The following PPP2R5C variants were observed in gnomAD, a reference collection of about 807,000 sequenced individuals.
The protein encoded by PPP2R5C is protein phosphatase 2 regulatory subunit B'gamma, also known as serine/threonine-protein phosphatase 2A 56 kDa regulatory subunit gamma isoform.
In PPP2R5C, 7 loss-of-function variants were observed where a neutral mutation model predicts 68.9. The ratio of observed to expected loss-of-function variants is 0.10; its 90% CI spans 0.06 to 0.19. The LOEUF (loss-of-function observed/expected upper bound fraction) is 0.19. PPP2R5C is among the 10% of genes least tolerant of loss of function. The pLI, the probability that PPP2R5C is intolerant of heterozygous loss-of-function variation, is 1.00. For synonymous variants in PPP2R5C, 210 were observed against 222.2 expected (o/e 0.95, Z 0.49); for missense variants, 348 against 641.3 (o/e 0.54, Z 4.94).
rs1327265649 is a variant in PPP2R5C at position 101,797,216 on chromosome 14, C to T, written c.259+11033C>T. On this transcript the variant is annotated intron_variant, in intron 3 of 14. Coordinates refer to the PPP2R5C transcript ENST00000328724. The surrounding 1 kb of genome is among the most constrained non-coding windows in gnomAD (Gnocchi z 4.2). ...CTAAACATAATATCTTCCAGGTCCCCCCACATTGTAGCACGTGCCAGACCC... is the reference window on the plus strand; with the variant it reads ...CTAAACATAATATCTTCCAGGTCCCTCCACATTGTAGCACGTGCCAGACCC... 2 of 456,082 alleles carry T rather than the reference C, an allele frequency of 4.4e-6. No homozygotes were observed. The highest frequency in any genetic ancestry group is 1.4e-4 in the East Asian group (2 of 14,392). 28.3% of individuals were successfully genotyped at this position (456,082 alleles called of 1,614,324 possible). A position where few individuals can be genotyped will look rare whatever the true frequency, so the allele number is the denominator to read the frequency against.
chr14:101,851,741 T>C (rs540319943), intron 1 of PPP2R5C, among the ~76,000 whole-genome samples: 14 of 152,286 alleles, frequency 9.2e-5, no homozygotes, highest in Non-Finnish European at 1.8e-4. Flanking sequence ...ATGCTGAAAG[T>C]TGGTCCTTTA....
chr14:101,836,261 C>T, intron 1 of PPP2R5C: 1 of 702,808 alleles, frequency 1.4e-6, no homozygotes, highest in East Asian at 2.7e-5. Context: ...GCAGGGAGAG[C>T]AAACCCATGG....
chr14:101,805,914 A>G (rs2039055690), upstream of PPP2R5C, among the ~76,000 whole-genome samples: 1 of 152,172 alleles, frequency 6.6e-6, no homozygotes, highest in Non-Finnish European at 1.5e-5. Flanking sequence ...GAGAATGGAA[A>G]GTTACTGTTT....
chr14:101,779,981 C>G (rs941472258), intron 2 of PPP2R5C, among the ~76,000 whole-genome samples: 2 of 152,126 alleles, frequency 1.3e-5, no homozygotes, highest in African/African-American at 4.8e-5. Flanking sequence ...AGCCCCAGGT[C>G]CCCATTGCCC....
Position 101,771,465 on chromosome 14 carries a change from T to C in PPP2R5C, c.93+8495T>C, listed in dbSNP as rs747114464. 5.9e-5 allele frequency among the ~76,000 whole-genome samples: 9 copies of C among 152,176 alleles called. No homozygotes were observed. The East Asian group carries it at 7.7e-4, about 13-fold the overall frequency. ...AGATTGAGCAGCTGGGCACGGTGGC[T>C]CATGCCTGTAATCCCAGCACTTTGG... On this transcript the variant is annotated intron_variant, in intron 2 of 14. Coordinates refer to the PPP2R5C transcript ENST00000328724.
At chr14:101,883,627 C>T in intron 5 of PPP2R5C, 65 bp downstream of exon 7, 3 of 1,566,548 alleles carry the variant, frequency 1.9e-6, no homozygotes, top group Non-Finnish European at 2.6e-6. Context: ...CTCGATGCTC[C>T]CCTACCCCAT....
chr14:101,837,678 G>A (rs879477195), intron 1 of PPP2R5C, among the ~76,000 whole-genome samples: 7 of 152,308 alleles, frequency 4.6e-5, no homozygotes, highest in South Asian at 2.1e-4. Flanking sequence ...TTTGTTGGAA[G>A]CTTTATCTCC....
At chr14:101,845,991 G>A (rs989046996) in intron 1 of PPP2R5C, among the ~76,000 whole-genome samples, 1 of 152,142 alleles carries the variant, frequency 6.6e-6, no homozygotes, top group Non-Finnish European at 1.5e-5. Context: ...CATTTTGCCC[G>A]AAATCCACCC....
intron 9 of PPP2R5C, among the ~76,000 whole-genome samples, chr14:101,904,145 G>C (rs976016995): frequency 1.3e-5 from 2 of 152,110 alleles, no homozygotes; most frequent in African/African-American, 2.4e-5. Context: ...TGGATGGATG[G>C]ATGGTTTTGT....
At chr14:101,878,776 C>T (rs1003288040) in intron 2 of PPP2R5C, among the ~76,000 whole-genome samples, 3 of 152,200 alleles carry the variant, frequency 2.0e-5, no homozygotes, top group African/African-American at 7.2e-5. Context: ...CAAGAGTGAT[C>T]GCTACTTGAA....
At position 101,896,603 on chromosome 14, in the gene PPP2R5C, G is replaced by A. The variant is rs114396264; in HGVS notation, c.852+2043G>A. 6.6e-3 allele frequency among the ~76,000 whole-genome samples: 928 copies of A among 140,590 alleles called. 18 individuals are homozygous for A. The highest frequency in any genetic ancestry group is 0.023 in the African/African-American group (882 of 38,284). 92.2% of individuals were successfully genotyped at this position (140,590 alleles called of 152,430 possible). ...ACAAAAATTAGCCAGGCATGATGGC[G>A]TGTGCCTGGGCAACACAGTGAAACC... On this transcript the variant is annotated intron_variant, in intron 8 of 13. Coordinates refer to ENST00000334743, the Ensembl canonical transcript of PPP2R5C.
chr14:101,859,901 AC>A (rs1424579114), intron 2 of PPP2R5C, among the ~76,000 whole-genome samples: 1 of 147,760 alleles, frequency 6.8e-6, no homozygotes, highest in African/African-American at 2.5e-5. Context: ...AGTTTTAGAG[AC>A]ATTAATTTCC....
chr14:101,881,583 G>T (rs554719683), intron 2 of PPP2R5C, among the ~76,000 whole-genome samples: 1 of 152,154 alleles, frequency 6.6e-6, no homozygotes, highest in African/African-American at 2.4e-5. Context: ...TGCCCCTACC[G>T]ATCCTCTGTG....
chr14:101,875,341 A>G (rs527371460), intron 2 of PPP2R5C, among the ~76,000 whole-genome samples: 2 of 152,344 alleles, frequency 1.3e-5, no homozygotes, highest in East Asian at 3.8e-4. Flanking sequence ...CCGGCCACCC[A>G]GTCATACTTG....
intron 2 of PPP2R5C, among the ~76,000 whole-genome samples, chr14:101,875,779 T>C (rs1360571609): frequency 6.6e-6 from 1 of 152,250 alleles, no homozygotes; most frequent in Non-Finnish European, 1.5e-5. Flanking sequence ...CAGTTTAAGA[T>C]TGTGTCTGCT....
chr14:101,818,636 A>G (rs1010578172), intron 1 of PPP2R5C: 1 of 175,400 alleles, frequency 5.7e-6, no homozygotes, highest in African/African-American at 2.4e-5. Flanking sequence ...TCTGTCTCAA[A>G]AAAAAAAAAA....
intron 1 of PPP2R5C, chr14:101,831,558 C>T (rs1280145839): frequency 1.5e-5 from 7 of 479,390 alleles, no homozygotes; most frequent in African/African-American, 9.7e-5. Context: ...GCTTATCATC[C>T]TGTCTGAGTT....
At chr14:101,770,985 G>A (rs1013944464) in intron 2 of PPP2R5C, among the ~76,000 whole-genome samples, 8 of 152,228 alleles carry the variant, frequency 5.3e-5, no homozygotes, top group Non-Finnish European at 1.2e-4. Flanking sequence ...GGGCACAGCG[G>A]TGTCTGGTTT....
intron 2 of PPP2R5C, among the ~76,000 whole-genome samples, chr14:101,864,285 G>A (rs1403510642): frequency 2.0e-5 from 3 of 152,318 alleles, no homozygotes; most frequent in East Asian, 3.9e-4. Context: ...TGACTCAGAA[G>A]TACTTCGCAT....
Sources: allele counts gnomAD v4.1 joint callset (sites outside exome capture counted in the v4.1 genomes callset), GRCh38; gene constraint gnomAD v4.1.1; non-coding constraint Gnocchi (gnomAD v3.1); transcripts MANE v1.5; gene names NCBI Gene and HGNC (gene_info 2026-07-23, HGNC 2026-07-21).